DST: variants seen among roughly 807,000 people sequenced by gnomAD.
DST encodes the protein bullous pemphigoid antigen.
Under a neutral mutation model 875.2 loss-of-function variants are expected in DST, and 253 were observed. That is an observed-to-expected ratio of 0.29 (90% CI 0.26 to 0.32). The LOEUF is 0.32. Among genes scored for constraint, DST ranks in the 10% least tolerant of loss-of-function variants. The probability of loss-of-function intolerance (pLI) is 1.00; values close to 1 mark genes in which losing one functional copy is unlikely to be tolerated. For synonymous variants in DST, 3,124 were observed against 3,197.1 expected, an observed-to-expected ratio of 0.98 and a Z score of 0.77; for missense variants, 8,287 against 9,111.6, an observed-to-expected ratio of 0.91 and a Z score of 3.68.
chr6:56,509,580 G>A (rs1259569761), intron 74 of DST, 62 bp downstream of exon 74: 4 of 1,280,274 alleles, frequency 3.1e-6, no homozygotes, highest in Non-Finnish European at 4.4e-6. Context: ...ATTGGACGGT[G>A]AGTAAACCGC....
chr6:56,477,777 A>T (rs569566266), intron 90 of DST, among the ~76,000 whole-genome samples: 14 of 152,322 alleles, frequency 9.2e-5, no homozygotes, highest in Non-Finnish European at 1.8e-4. Flanking sequence ...TCCCTGATAT[A>T]AAATGATGTA....
chr6:56,738,984 G>A (rs79473252), intron 4 of DST, among the ~76,000 whole-genome samples: 1 of 151,366 alleles, frequency 6.6e-6, no homozygotes, highest in African/African-American at 2.4e-5. Flanking sequence ...GCTTAAAACT[G>A]CTATCAAAAG....
At chr6:56,843,747 T>C (rs978715658) in intron 4 of DST, 1 of 15,728 alleles carries the variant, frequency 6.4e-5, no homozygotes. Context: ...GGGTGGAGGG[T>C]GGAGGGTGGA....
At position 56,552,697 on chromosome 6, in the gene DST, T is replaced by C. The variant is rs745842352; in HGVS notation, c.16095A>G (p.Thr5365=). 2 of 1,613,416 alleles carry C rather than the reference T, an allele frequency of 1.2e-6. No homozygotes were observed. The highest frequency in any genetic ancestry group is 1.1e-5 in the South Asian group (1 of 91,076). Reference sequence around the variant, plus strand: ...ACTTTTCATCAACCTGCTGACTTAGTGTACTATGCTCTTGAGCTATGGTTT... The same window carrying C: ...ACTTTTCATCAACCTGCTGACTTAGCGTACTATGCTCTTGAGCTATGGTTT... ...QVETIAQEHS[T]LSQQVDEKCS... is the part of the protein sequence containing the mutation. Residue 5365 remains threonine (T), a synonymous_variant, in exon 61 of 104, where the codon ACA becomes ACG. Transcript: ENST00000680361.
chr6:56,869,009 A>T (rs902287925), intron 3 of DST, among the ~76,000 whole-genome samples: 41 of 152,342 alleles, frequency 2.7e-4, no homozygotes, highest in African/African-American at 9.6e-4. Context: ...ATGAAATTAT[A>T]CTAAAAATAA....
At chr6:56,730,795 T>A in intron 5 of DST, among the ~76,000 whole-genome samples, 1 of 152,188 alleles carries the variant, frequency 6.6e-6, no homozygotes, top group East Asian at 1.9e-4. Flanking sequence ...CTTAAAAGTA[T>A]TCTGAAGAAT....
At chr6:56,590,383 ATG>A (rs1209962050) in intron 49 of DST, among the ~76,000 whole-genome samples, 2 of 152,144 alleles carry the variant, frequency 1.3e-5, no homozygotes, top group African/African-American at 4.8e-5. Flanking sequence ...CTAACTTAAA[ATG>A]TGTTATTTCT....
At chr6:56,868,262 C>A (rs576161169) in intron 3 of DST, among the ~76,000 whole-genome samples, 49 of 152,286 alleles carry the variant, frequency 3.2e-4, no homozygotes, top group African/African-American at 1.1e-3. Context: ...TGTTTCCAAT[C>A]GTGGTTCTGA....
chr6:56,860,852 C>T (rs937773260), intron 3 of DST, among the ~76,000 whole-genome samples: 21 of 152,192 alleles, frequency 1.4e-4, no homozygotes, highest in Non-Finnish European at 2.8e-4. Context: ...ATCTATCCTT[C>T]CCAAGCTTGG....
At chr6:56,909,377 T>C (rs1380956155) in intron 2 of DST, among the ~76,000 whole-genome samples, 3 of 152,116 alleles carry the variant, frequency 2.0e-5, no homozygotes, top group Non-Finnish European at 4.4e-5. Context: ...GGACCTAGCA[T>C]ATAAACACTT....
At chr6:56,793,068 CAAAAAAAAAAAAAAAAAAAA>C (rs61457774) in intron 4 of DST, among the ~76,000 whole-genome samples, 6 of 42,316 alleles carry the variant, frequency 1.4e-4, no homozygotes, top group African/African-American at 3.1e-4. Context: ...GACCCTGTCT[CAAAAAAAAAAAAAAAAAAAA>C]AAAAAAAAAA....
At chr6:56,560,468 C>A in intron 57 of DST, 45 bp from the exon 58 acceptor site, 5 of 1,522,560 alleles carry the variant, frequency 3.3e-6, no homozygotes, top group South Asian at 2.5e-5. Context: ...CAGCAAAAGA[C>A]AAAAATACAA....
chr6:56,848,551 A>G (rs2099809642), intron 4 of DST, among the ~76,000 whole-genome samples: 1 of 152,204 alleles, frequency 6.6e-6, no homozygotes, highest in Non-Finnish European at 1.5e-5. Flanking sequence ...TCCATTAGAT[A>G]ACCTGTACCC....
intron 2 of DST, among the ~76,000 whole-genome samples, chr6:56,918,931 T>C (rs1298539299): frequency 6.6e-6 from 1 of 152,182 alleles, no homozygotes; most frequent in Non-Finnish European, 1.5e-5. Context: ...TTTGTATATT[T>C]TTATAAGCCA....
intron 36 of DST, chr6:56,619,250 G>A (rs2098662481): frequency 6.2e-7 from 1 of 1,612,762 alleles, no homozygotes; most frequent in South Asian, 1.1e-5. Context: ...CTCTGATTCT[G>A]CCTGAATTCT....
chr6:56,516,096 A>ATG (rs1182529616), intron 71 of DST, among the ~76,000 whole-genome samples: 12 of 149,810 alleles, frequency 8.0e-5, no homozygotes, highest in African/African-American at 1.5e-4. Flanking sequence ...GTGTATATAT[A>ATG]TGTGTGTGTG....
chr6:56,506,590 T>C (rs2096321462), intron 76 of DST, 46 bp from the exon 77 acceptor site: 1 of 1,608,116 alleles, frequency 6.2e-7, no homozygotes, highest in African/African-American at 1.3e-5. Context: ...ATTTTAAACT[T>C]TCAACTACTG....
At chr6:56,694,694 C>T (rs575069178) in intron 9 of DST, among the ~76,000 whole-genome samples, 44 of 152,194 alleles carry the variant, frequency 2.9e-4, no homozygotes, top group African/African-American at 6.7e-4. Context: ...GATATTTGTC[C>T]CCTCCAAATT....
In DST at chr6:56,607,726, T is replaced by A. The variant is rs1414945301; in HGVS notation, c.6902A>T (p.Asp2301Val). The A allele has an allele frequency of 6.2e-7, 1 of 1,613,516 alleles. No individual in the cohort carries two copies. Among genetic ancestry groups the A allele is most frequent in the Non-Finnish European group, 8.5e-7 (1 of 1,179,678 alleles). The change falls in exon 40 of 104, where the codon GAT becomes GTT. Residue 2301 changes from aspartate (D) to valine (V), a missense_variant. Asp to Val is a radical substitution (Grantham distance 152). Coordinates refer to ENST00000680361, the MANE Select transcript of DST (RefSeq NM_001374736.1). ...ATTTCTCATTTCATTAAATTCTTCA[T>A]CTATAGCACACTTTCTATTTTCAGG... is the stretch of plus-strand genomic sequence containing the variant. ...ETPENRKCAI[D>V]EEFNEMRNTV...
Sources: gnomAD v4.1 joint callset for allele counts (sites outside exome capture counted in the v4.1 genomes callset) on GRCh38, gnomAD v4.1.1 for gene constraint, MANE v1.5 for transcripts, NCBI Gene and HGNC (gene_info 2026-07-23, HGNC 2026-07-21) for gene names.